The following RARB variants were observed in gnomAD, a reference collection of about 807,000 sequenced individuals.
RARB encodes retinoic acid receptor beta, also known as HBV-activated protein.
In RARB, 17 loss-of-function variants were observed where a neutral mutation model predicts 51.9. That is an observed-to-expected ratio of 0.33 (90% confidence interval 0.22 to 0.49). RARB has a LOEUF of 0.49. RARB is among the 20% of genes least tolerant of loss of function. The pLI, the probability that RARB is intolerant of heterozygous loss-of-function variation, is 0.99. For missense variants in RARB, 369 were observed against 550.8 expected (o/e 0.67, Z 3.30); for synonymous variants, 215 against 195.4 (o/e 1.10, Z -0.84).
chr3:25,171,661 A>AAAAAAAAAAAT (rs10528053), intron 4 of RARB, among the ~76,000 whole-genome samples: 1 of 148,576 alleles, frequency 6.7e-6, no homozygotes, highest in Admixed American at 6.7e-5. Flanking sequence ...AAAAAAAAAA[A>AAAAAAAAAAAT]CAGCTTTAAA....
At chr3:24,966,630 C>CTCTCTT (rs1696280023) in intron 2 of RARB, among the ~76,000 whole-genome samples, 1 of 151,222 alleles carries the variant, frequency 6.6e-6, no homozygotes, top group African/African-American at 2.5e-5. Flanking sequence ...CTCTCTCTCT[C>CTCTCTT]TCTCTCTCTC....
intron 5 of RARB, among the ~76,000 whole-genome samples, chr3:25,177,728 T>C (rs1700783636): frequency 6.6e-6 from 1 of 152,200 alleles, no homozygotes; most frequent in African/African-American, 2.4e-5. Context: ...ACCTGAGCTC[T>C]GCATATTGAA....
rs180975958 is a variant in RARB at position 24,929,009 on chromosome 3, G to A, written c.-380+70257G>A. Among the ~76,000 whole-genome samples, 15 of 152,028 alleles carry A rather than the reference G, an allele frequency of 9.9e-5. No individual in the cohort carries two copies. The East Asian group carries it at 2.9e-3, about 29-fold the overall frequency. ...TATTTTGATCATGTTTTCTCCTACT[G>A]TTTATTGCATACATTGAAATGTCTA... On this transcript the variant is annotated intron_variant, in intron 2 of 11. Coordinates refer to the RARB transcript ENST00000383772.
intron 3 of RARB, among the ~76,000 whole-genome samples, chr3:25,066,760 A>C (rs969445727): frequency 2.0e-5 from 3 of 152,156 alleles, no homozygotes; most frequent in Non-Finnish European, 4.4e-5. Context: ...AAAAACAGAA[A>C]AATAAAATAA....
At chr3:25,332,162 C>CT (rs768324884) in intron 5 of RARB, among the ~76,000 whole-genome samples, 8 of 152,182 alleles carry the variant, frequency 5.3e-5, no homozygotes, top group Non-Finnish European at 8.8e-5. Flanking sequence ...GGAATCCTCC[C>CT]TAACTCATTT....
intron 2 of RARB, among the ~76,000 whole-genome samples, chr3:24,974,063 T>C (rs1696457611): frequency 6.6e-6 from 1 of 152,106 alleles, no homozygotes; most frequent in Non-Finnish European, 1.5e-5. Flanking sequence ...TTTTTCCCTG[T>C]ACAATATGAT....
intron 2 of RARB, among the ~76,000 whole-genome samples, chr3:24,978,371 A>G (rs907359639): frequency 6.6e-6 from 1 of 152,146 alleles, no homozygotes; most frequent in Non-Finnish European, 1.5e-5. Context: ...TTGGCTGTGA[A>G]TCTGTCTGGT....
At chr3:24,930,351 C>T (rs949224959) in intron 2 of RARB, among the ~76,000 whole-genome samples, 35 of 151,994 alleles carry the variant, frequency 2.3e-4, no homozygotes, top group African/African-American at 7.7e-4. Flanking sequence ...CCATTAACTG[C>T]GTTTGTGAGT....
intron 4 of RARB, among the ~76,000 whole-genome samples, chr3:25,140,567 A>G (rs1359554565): frequency 2.0e-5 from 3 of 152,184 alleles, no homozygotes; most frequent in Non-Finnish European, 4.4e-5. Flanking sequence ...GATGGAATAT[A>G]TTCCTGGTGA....
At chr3:25,426,587 A>G (rs576638296), upstream of RARB, among the ~76,000 whole-genome samples, 9 of 152,368 alleles carry the variant, frequency 5.9e-5, no homozygotes, top group South Asian at 1.9e-3. Context: ...AACACTATCC[A>G]CAAAAAGGAG....
In RARB at chr3:25,469,174, G is replaced by A. The variant is rs13318697; in HGVS notation, c.306+7833G>A. 5.1e-3 allele frequency among the ~76,000 whole-genome samples: 778 copies of A among 152,346 alleles called. 12 individuals carry two copies. Among genetic ancestry groups the A allele is most frequent in the African/African-American group, 0.018 (740 of 41,574 alleles). ...TGACAGCGTTCGGCTGCTGGGCTGG[G>A]TTTTCCTGGCAGACAGCAAGCAGAA... On this transcript the variant is annotated intron_variant, in intron 2 of 7. Coordinates refer to ENST00000330688, the MANE Select transcript of RARB (RefSeq NM_000965.5).
chr3:24,840,948 A>T (rs1426608761), intron 1 of RARB, among the ~76,000 whole-genome samples: 1 of 152,136 alleles, frequency 6.6e-6, no homozygotes, highest in African/African-American at 2.4e-5. Context: ...CTAGCTAGGA[A>T]GACAAATGCC....
chr3:24,831,932 A>G (rs1702287850), intron 1 of RARB, among the ~76,000 whole-genome samples: 1 of 152,190 alleles, frequency 6.6e-6, no homozygotes, highest in Non-Finnish European at 1.5e-5. Flanking sequence ...TCAGACTTTC[A>G]AAGGTTAAAT....
chr3:25,102,180 TC>T (rs1699413821), intron 3 of RARB, among the ~76,000 whole-genome samples: 2 of 152,246 alleles, frequency 1.3e-5, no homozygotes, highest in Non-Finnish European at 2.9e-5. Context: ...TGCGTGAATG[TC>T]CCCACAAAAT....
At chr3:25,106,454 T>TTTTTTTTGTTTG (rs1559468513) in intron 3 of RARB, among the ~76,000 whole-genome samples, 1 of 89,854 alleles carries the variant, frequency 1.1e-5, no homozygotes, top group African/African-American at 4.5e-5. Flanking sequence ...GTTTTTTGTT[T>TTTTTTTTGTTTG]TTTGTTTTTT....
intron 5 of RARB, among the ~76,000 whole-genome samples, chr3:25,418,918 G>A (rs569882514): frequency 7.1e-6 from 1 of 141,300 alleles, no homozygotes; most frequent in East Asian, 2.1e-4. Context: ...CATGGCTGAG[G>A]CCACAATAAC....
intron 5 of RARB, among the ~76,000 whole-genome samples, chr3:25,587,588 C>A (rs1701445809): frequency 6.6e-6 from 1 of 152,314 alleles, no homozygotes; most frequent in East Asian, 1.9e-4. Flanking sequence ...TAACAAGGAA[C>A]TCCTGCTGCT....
At chr3:24,950,562 C>A (rs1309815730) in intron 2 of RARB, among the ~76,000 whole-genome samples, 1 of 152,054 alleles carries the variant, frequency 6.6e-6, no homozygotes, top group Non-Finnish European at 1.5e-5. Context: ...TGGCAGAATG[C>A]ACAGCTACAT....
chr3:25,278,965 A>T (rs1703457623), intron 5 of RARB, among the ~76,000 whole-genome samples: 1 of 152,182 alleles, frequency 6.6e-6, no homozygotes, highest in South Asian at 2.1e-4. Context: ...TTTAGCATTT[A>T]AACCCTAAAA....
Sources: gnomAD v4.1 joint callset for allele counts (sites outside exome capture counted in the v4.1 genomes callset) on GRCh38, gnomAD v4.1.1 for gene constraint, MANE v1.5 for transcripts, NCBI Gene and HGNC (gene_info 2026-07-23, HGNC 2026-07-21) for gene names.